The following KCTD16 variants were observed in gnomAD, a reference collection of about 807,000 sequenced individuals.
KCTD16 encodes potassium channel tetramerization domain containing 16, also known as BTB/POZ domain-containing protein KCTD16.
Under a neutral mutation model 33.2 loss-of-function variants are expected in KCTD16, and 13 were observed. The ratio of observed to expected loss-of-function variants is 0.39; its 90% CI spans 0.25 to 0.62. The LOEUF (loss-of-function observed/expected upper bound fraction) is 0.62, where lower values mean the gene tolerates loss of function less well. KCTD16 is among the 20% of genes least tolerant of loss of function. The pLI, the probability that KCTD16 is intolerant of heterozygous loss-of-function variation, is 0.50. For missense variants in KCTD16, 441 were observed against 525.1 expected, an observed-to-expected ratio of 0.84 and a Z score of 1.57; for synonymous variants, 197 against 195.3, an observed-to-expected ratio of 1.01 and a Z score of -0.07.
At chr5:144,201,441 G>C (rs1753043606) in intron 2 of KCTD16, among the ~76,000 whole-genome samples, 1 of 152,150 alleles carries the variant, frequency 6.6e-6, no homozygotes, top group Admixed American at 6.5e-5. Flanking sequence ...CAATTTCTAT[G>C]TTTGGGCATC....
chr5:144,456,181 A>G (rs1382821913), intron 3 of KCTD16, among the ~76,000 whole-genome samples: 2 of 146,422 alleles, frequency 1.4e-5, no homozygotes, highest in African/African-American at 2.6e-5. Context: ...AATTCTTTAT[A>G]TATTTTCTGT....
intron 1 of KCTD16, among the ~76,000 whole-genome samples, chr5:144,173,085 C>G (rs1752429420): frequency 6.6e-6 from 1 of 152,140 alleles, no homozygotes. Context: ...TCCTCAAAGA[C>G]CTAAAGACAG....
chr5:144,477,352 TTAAAA>T lies in KCTD16; in HGVS notation c.*3244_*3248del, dbSNP rs1290005652. On this transcript the variant is annotated 3_prime_UTR_variant, in exon 4 of 4. Transcript: ENST00000512467. ...TTACTGAAAATGCATGCATGGTGAA[TTAAAA>T]TAAAAGGGGGAACAATGCACAAATA... 4 of 152,146 alleles carry T rather than the reference TTAAAA, an allele frequency of 2.6e-5. No homozygotes were observed. The highest frequency in any genetic ancestry group is 5.9e-5 in the Non-Finnish European group (4 of 68,008). 9.4% of individuals were successfully genotyped at this position (152,146 alleles called of 1,614,324 possible).
chr5:144,385,556 C>T (rs781364085), intron 3 of KCTD16, among the ~76,000 whole-genome samples: 3 of 152,142 alleles, frequency 2.0e-5, no homozygotes, highest in Non-Finnish European at 2.9e-5. Flanking sequence ...TTCATTGTCA[C>T]TCCATTACTA....
chr5:144,263,522 G>T (rs780009779), intron 3 of KCTD16, among the ~76,000 whole-genome samples: 16 of 152,066 alleles, frequency 1.1e-4, no homozygotes, highest in Non-Finnish European at 1.9e-4. Flanking sequence ...ATTATTTTTA[G>T]TCTTTCCTTC....
intron 3 of KCTD16, among the ~76,000 whole-genome samples, chr5:144,241,577 T>A (rs1211447944): frequency 6.6e-6 from 1 of 152,206 alleles, no homozygotes; most frequent in East Asian, 1.9e-4. Flanking sequence ...GGATTGTAAG[T>A]ATAAAGACTT....
At position 144,309,898 on chromosome 5, in the gene KCTD16, C is replaced by T. The variant is rs920951718; in HGVS notation, c.832+102352C>T. Among the ~76,000 whole-genome samples the T allele has an allele frequency of 4.6e-5, 7 of 152,006 alleles. No homozygotes were observed. In the East Asian group the frequency reaches 5.8e-4, roughly 13 times the overall value. On this transcript the variant is annotated intron_variant, in intron 3 of 3. Transcript: ENST00000512467. ...GGGGGACGGCAGCAAAATTTGTATA[C>T]GGTGCAGTTTATTTTTAGTTTTACA...
chr5:144,292,052 G>C (rs545211269), intron 3 of KCTD16, among the ~76,000 whole-genome samples: 1 of 152,020 alleles, frequency 6.6e-6, no homozygotes, highest in Non-Finnish European at 1.5e-5. Flanking sequence ...CAATATAATT[G>C]GTTTCTTTTG....
intron 3 of KCTD16, among the ~76,000 whole-genome samples, chr5:144,384,518 T>C (rs1284521895): frequency 2.0e-5 from 3 of 152,230 alleles, no homozygotes; most frequent in African/African-American, 7.2e-5. Context: ...TATTTATTTT[T>C]TCATTATAGC....
At chr5:144,256,639 A>C (rs541309622) in intron 3 of KCTD16, among the ~76,000 whole-genome samples, 1 of 150,256 alleles carries the variant, frequency 6.7e-6, no homozygotes, top group East Asian at 1.9e-4. Context: ...TTAATGTTAC[A>C]GTCTGCCTGA....
chr5:144,278,468 TTTTG>T (rs1171038839), intron 3 of KCTD16, among the ~76,000 whole-genome samples: 2 of 150,878 alleles, frequency 1.3e-5, no homozygotes, highest in African/African-American at 2.4e-5. Context: ...TTTTGACTAT[TTTTG>T]TTTGTTAGTC....
At chr5:144,335,088 G>A (rs1752452657) in intron 3 of KCTD16, among the ~76,000 whole-genome samples, 1 of 152,030 alleles carries the variant, frequency 6.6e-6, no homozygotes, top group African/African-American at 2.4e-5. Flanking sequence ...CCCAGATCCT[G>A]TTTTCTTAAT....
intron 3 of KCTD16, among the ~76,000 whole-genome samples, chr5:144,218,814 G>A (rs754512071): frequency 1.4e-4 from 22 of 152,146 alleles, no homozygotes; most frequent in Non-Finnish European, 2.6e-4. Context: ...CTCAGGAGGT[G>A]CTCAGTAAAA....
intron 3 of KCTD16, among the ~76,000 whole-genome samples, chr5:144,239,828 G>A (rs1329324323): frequency 6.6e-6 from 1 of 152,106 alleles, no homozygotes; most frequent in African/African-American, 2.4e-5. Context: ...GTTTATGGAG[G>A]CAGTGAGATT....
Position 144,422,649 on chromosome 5 carries a change from A to G in KCTD16, c.833-51011A>G, listed in dbSNP as rs554907596. ...TCTTTGTCTACTGAATAAACAGTAAATGAGTTTATATAATGAAAGAGTAAA... is the reference window on the plus strand; with the variant it reads ...TCTTTGTCTACTGAATAAACAGTAAGTGAGTTTATATAATGAAAGAGTAAA... On this transcript the variant is annotated intron_variant, in intron 3 of 3. Transcript: ENST00000512467. 2.6e-5 allele frequency among the ~76,000 whole-genome samples: 4 copies of G among 152,286 alleles called. No homozygotes were observed. The South Asian group carries it at 8.3e-4, about 32-fold the overall frequency.
At chr5:144,300,241 C>T (rs1481452295) in intron 3 of KCTD16, among the ~76,000 whole-genome samples, 1 of 152,116 alleles carries the variant, frequency 6.6e-6, no homozygotes, top group East Asian at 1.9e-4. Context: ...TCTCCTGAGT[C>T]CCTGATCTAG....
At chr5:144,209,842 A>G (rs903488855) in intron 3 of KCTD16, among the ~76,000 whole-genome samples, 1 of 146,250 alleles carries the variant, frequency 6.8e-6, no homozygotes, top group African/African-American at 2.5e-5. Flanking sequence ...ATATATATTT[A>G]TATGTGTATA....
At chr5:144,417,588 G>A (rs1753091476) in intron 3 of KCTD16, among the ~76,000 whole-genome samples, 1 of 151,970 alleles carries the variant, frequency 6.6e-6, no homozygotes, top group Non-Finnish European at 1.5e-5. Context: ...CAATTTCTTA[G>A]AACAAAATAT....
At chr5:144,219,513 C>T (rs532630557) in intron 3 of KCTD16, among the ~76,000 whole-genome samples, 15 of 77,132 alleles carry the variant, frequency 1.9e-4, no homozygotes, top group South Asian at 4.6e-4. Flanking sequence ...TGTGCTGGGC[C>T]TTTTTTTTTT....
Sources: gnomAD v4.1 joint callset for allele counts (sites outside exome capture counted in the v4.1 genomes callset) on GRCh38, gnomAD v4.1.1 for gene constraint, MANE v1.5 for transcripts, NCBI Gene and HGNC (gene_info 2026-07-23, HGNC 2026-07-21) for gene names.